Variants in NUDT4 observed in about 807,000 individuals in gnomAD.
The protein encoded by NUDT4 is diphosphoinositol polyphosphate phosphohydrolase 2.
NUDT4 carries 5 observed loss-of-function variants against 23.1 expected under a neutral mutation model. The observed-to-expected ratio is 0.22, with a 90% CI of 0.11 to 0.46. The LOEUF is 0.46. Ranked by LOEUF, NUDT4 falls within the 20% of genes least tolerant of loss-of-function variation. NUDT4 has a pLI of 0.99. For missense variants in NUDT4, 96 were observed against 211.6 expected (o/e 0.45, Z 3.39); for synonymous variants, 50 against 79.0 (o/e 0.63, Z 1.95).
chr12:93,403,032 A>AT lies in NUDT4; in HGVS notation c.*3668dup, dbSNP rs11307761. ...TAAGAATTCTCTATAGGACTCTTTA[A>AT]TTTTTTTTTTTTTTTGGTAGAGATG... On this transcript the variant is annotated 3_prime_UTR_variant, in exon 5 of 5. Coordinates refer to ENST00000415493, the MANE Select transcript of NUDT4 (RefSeq NM_019094.6). 1.3e-3 allele frequency: 189 copies of AT among 144,056 alleles called. 2 individuals are homozygous for AT. Among genetic ancestry groups the AT allele is most frequent in the East Asian group, 3.7e-3 (18 of 4,876 alleles). The allele number at this position is 144,056 out of a possible 1,614,324, so 8.9% of individuals were successfully genotyped here. A position where few individuals can be genotyped will look rare whatever the true frequency, so the allele number is the denominator to read the frequency against.
rs373123978 is a variant in NUDT4, at chr12:93,388,042, AACAG to A, written c.100-6560_100-6557del. 1.0e-3 allele frequency among the ~76,000 whole-genome samples: 158 copies of A among 152,300 alleles called. 6 individuals carry two copies. In the East Asian group the frequency reaches 0.023, roughly 22 times the overall value. On this transcript the variant is annotated intron_variant, in intron 1 of 4. Coordinates refer to ENST00000415493, the MANE Select transcript of NUDT4 (RefSeq NM_019094.6). Reference sequence around the variant, plus strand: ...AGATGAGTAGGCAAGTACTTAATGAAACAGACAGACTTTCAAATCTGTCACCATG... The same window carrying A: ...AGATGAGTAGGCAAGTACTTAATGAAACAGACTTTCAAATCTGTCACCATG...
chr12:93,386,342 C>T (rs1876094561), intron 1 of NUDT4, among the ~76,000 whole-genome samples: 1 of 151,854 alleles, frequency 6.6e-6, no homozygotes, highest in South Asian at 2.1e-4. Flanking sequence ...TTTGGGAGGC[C>T]GAGGTGGGTG....
chr12:93,379,039 A>G (rs1875431677), intron 1 of NUDT4, among the ~76,000 whole-genome samples: 1 of 152,192 alleles, frequency 6.6e-6, no homozygotes, highest in Non-Finnish European at 1.5e-5. Context: ...TGGTTAGTGA[A>G]AAATGTGGAA....
chr12:93,392,248 C>CCG lies in NUDT4; in HGVS notation c.100-2360_100-2359insGC, dbSNP rs963564743. Among the ~76,000 whole-genome samples the CCG allele has an allele frequency of 1.0e-4, 14 of 137,686 alleles. No homozygotes were observed. In the South Asian group the frequency reaches 3.7e-3, roughly 37 times the overall value. 90.3% of individuals were successfully genotyped at this position (137,686 alleles called of 152,430 possible). A position where few individuals can be genotyped will look rare whatever the true frequency, so the allele number is the denominator to read the frequency against. Reference sequence around the variant, plus strand: ...CCCACAAATATTCCTTTGTTTCCCCCCCCCCCTTTTTTTTTTCCTTTTTTT... The same window carrying CCG: ...CCCACAAATATTCCTTTGTTTCCCCCCGCCCCCCTTTTTTTTTTCCTTTTTTT... On this transcript the variant is annotated intron_variant, in intron 1 of 4. Coordinates refer to ENST00000415493, the MANE Select transcript of NUDT4 (RefSeq NM_019094.6).
At chr12:93,391,616 A>ACTCC (rs1003293289) in intron 1 of NUDT4, among the ~76,000 whole-genome samples, 2 of 150,914 alleles carry the variant, frequency 1.3e-5, no homozygotes, top group African/African-American at 4.9e-5. Flanking sequence ...GGGTGCCTGT[A>ACTCC]CTCCCAACTG....
chr12:93,399,557 A>G lies in NUDT4; in HGVS notation c.*178A>G, dbSNP rs1259928339. 5 of 342,658 alleles carry G rather than the reference A, an allele frequency of 1.5e-5. No individual in the cohort carries two copies. In the East Asian group the frequency reaches 2.5e-4, roughly 17 times the overall value. The allele number at this position is 342,658 out of a possible 1,614,324, so 21.2% of individuals were successfully genotyped here. Reference sequence around the variant, plus strand: ...ATCTTTTTTTAAAAAAATAGTGTAAAATATTTTAATAAGCCAAAGCCATGT... The same window carrying G: ...ATCTTTTTTTAAAAAAATAGTGTAAGATATTTTAATAAGCCAAAGCCATGT... On this transcript the variant is annotated 3_prime_UTR_variant, in exon 5 of 5. Coordinates refer to ENST00000415493, the MANE Select transcript of NUDT4 (RefSeq NM_019094.6).
At chr12:93,381,901 C>T (rs1021766655) in intron 1 of NUDT4, among the ~76,000 whole-genome samples, 4 of 152,188 alleles carry the variant, frequency 2.6e-5, no homozygotes, top group African/African-American at 9.7e-5. Context: ...AGTAGAATGA[C>T]TTGATCCTGT....
intron 3 of NUDT4, 79 bp from the exon 4 acceptor site, chr12:93,398,692 A>G (rs895058791): frequency 3.3e-6 from 3 of 896,020 alleles, no homozygotes; most frequent in South Asian, 2.9e-5. Flanking sequence ...AGTATGCCAG[A>G]CTAATTTTTT....
chr12:93,385,619 T>C (rs1875999798), intron 1 of NUDT4, among the ~76,000 whole-genome samples: 1 of 152,132 alleles, frequency 6.6e-6, no homozygotes, highest in Non-Finnish European at 1.5e-5. Flanking sequence ...ATGCTAACTA[T>C]ACTAGTAGCT....
In NUDT4 at chr12:93,388,544, A is replaced by G. The variant is rs367611805; in HGVS notation, c.100-6065A>G. Among the ~76,000 whole-genome samples the G allele has an allele frequency of 9.0e-4, 137 of 152,364 alleles. 1 individual carries two copies. The highest frequency in any genetic ancestry group is 3.2e-3 in the African/African-American group (131 of 41,584). ...TTGTGCTGAATTGTCACTTTTTGAC[A>G]GGAGTCAGTCTGTTCTCTGTCCTTC... is the stretch of plus-strand genomic sequence containing the variant. On this transcript the variant is annotated intron_variant, in intron 1 of 4. Transcript: ENST00000415493.
At chr12:93,396,578 C>T (rs1221026503) in intron 3 of NUDT4, among the ~76,000 whole-genome samples, 1 of 152,074 alleles carries the variant, frequency 6.6e-6, no homozygotes, top group East Asian at 1.9e-4. Context: ...TTTTGTAGCA[C>T]TTGGTAGAAT....
intron 1 of NUDT4, among the ~76,000 whole-genome samples, chr12:93,392,665 T>G (rs1205133832): frequency 0.011 from 1,036 of 97,946 alleles, 14 homozygotes; most frequent in Non-Finnish European, 0.016. Flanking sequence ...TAGATTTCAG[T>G]CTTTTTTTTT....
chr12:93,382,288 A>C (rs999053564), intron 1 of NUDT4, among the ~76,000 whole-genome samples: 31 of 151,894 alleles, frequency 2.0e-4, no homozygotes, highest in Non-Finnish European at 3.8e-4. Context: ...AAAACAACAA[A>C]AAAAACCACT....
chr12:93,385,407 A>G (rs1592716544), intron 1 of NUDT4, among the ~76,000 whole-genome samples: 1 of 152,120 alleles, frequency 6.6e-6, no homozygotes, highest in Admixed American at 6.5e-5. Flanking sequence ...CACAGCTCTG[A>G]TTTATCTGGA....
chr12:93,384,068 A>C (rs75911240), intron 1 of NUDT4, among the ~76,000 whole-genome samples: 4,535 of 152,268 alleles, frequency 0.03, 114 homozygotes, highest in African/African-American at 0.07. Context: ...CAGCCTCTGA[A>C]GGCATAAATG....
intron 1 of NUDT4, among the ~76,000 whole-genome samples, chr12:93,385,841 C>T (rs192882258): frequency 6.9e-6 from 1 of 144,562 alleles, no homozygotes; most frequent in East Asian, 2.0e-4. Flanking sequence ...ATGGCGCCCC[C>T]AAAACAAGCC....
chr12:93,403,029 T>C lies in NUDT4; in HGVS notation c.*3650T>C, dbSNP rs1231251069. The C allele has an allele frequency of 2.7e-5, 3 of 109,374 alleles. No homozygotes were observed. Among genetic ancestry groups the C allele is most frequent in the Non-Finnish European group, 5.2e-5 (3 of 57,214 alleles). 6.8% of individuals were successfully genotyped at this position (109,374 alleles called of 1,614,324 possible). The stretch of plus-strand genomic sequence containing the variant: ...GTATAAGAATTCTCTATAGGACTCT[T>C]TAATTTTTTTTTTTTTTTGGTAGAG... On this transcript the variant is annotated 3_prime_UTR_variant, in exon 5 of 5. Transcript: ENST00000415493.
chr12:93,379,182 T>G (rs1875442267), intron 1 of NUDT4, among the ~76,000 whole-genome samples: 1 of 152,220 alleles, frequency 6.6e-6, no homozygotes, highest in Admixed American at 6.5e-5. Flanking sequence ...GTAGCCTTTC[T>G]CGTTCTCAGA....
In NUDT4 at chr12:93,403,737, A is replaced by G. The variant is rs1368678488; in HGVS notation, c.*4358A>G. ...ATTTGTAGACGTGATTTCCCCCACCAAATGCACATTTTATGGAGCTCTAGG... is the reference window on the plus strand; with the variant it reads ...ATTTGTAGACGTGATTTCCCCCACCGAATGCACATTTTATGGAGCTCTAGG... On this transcript the variant is annotated 3_prime_UTR_variant, in exon 5 of 5. Transcript: ENST00000415493. 2 of 152,244 alleles carry G rather than the reference A, an allele frequency of 1.3e-5. No homozygotes were observed. Among genetic ancestry groups the G allele is most frequent in the Admixed American group, 1.3e-4 (2 of 15,284 alleles). 9.4% of individuals were successfully genotyped at this position (152,244 alleles called of 1,614,324 possible).
Sources: allele counts gnomAD v4.1 joint callset (sites outside exome capture counted in the v4.1 genomes callset), GRCh38; gene constraint gnomAD v4.1.1; transcripts MANE v1.5; gene names NCBI Gene and HGNC (gene_info 2026-07-23, HGNC 2026-07-21).